Variants in ZNF207 observed in about 807,000 individuals in gnomAD.
ZNF207 encodes the protein BUB3-interacting and GLEBS motif-containing protein ZNF207.
In ZNF207, 24 loss-of-function variants were observed where a neutral mutation model predicts 60.2. That is an observed-to-expected ratio of 0.40 (90% confidence interval 0.29 to 0.56). ZNF207 has a LOEUF of 0.56. ZNF207 is among the 20% of genes least tolerant of loss of function. The pLI is 0.49. For missense variants in ZNF207, 452 were observed against 636.6 expected (o/e 0.71, Z 3.12); for synonymous variants, 236 against 194.7 (o/e 1.21, Z -1.77).
chr17:32,361,587 G>A (rs1379291719), intron 6 of ZNF207, 72 bp downstream of exon 6: 1 of 1,441,126 alleles, frequency 6.9e-7, no homozygotes, highest in African/African-American at 1.4e-5. Flanking sequence ...TGTGTTTAAT[G>A]GTATCTATTC....
At chr17:32,355,513 T>C (rs763462908) in intron 2 of ZNF207, among the ~76,000 whole-genome samples, 2 of 152,194 alleles carry the variant, frequency 1.3e-5, no homozygotes, top group East Asian at 1.9e-4. Flanking sequence ...CTATTAAATA[T>C]CCAGATGAAA....
intron 3 of ZNF207, among the ~76,000 whole-genome samples, chr17:32,360,183 C>CT (rs1293817139): frequency 2.7e-5 from 3 of 112,496 alleles, no homozygotes; most frequent in Non-Finnish European, 5.9e-5. Flanking sequence ...TTTACCCCCC[C>CT]CCCAAAAAAA....
chr17:32,351,591 G>T, intron 1 of ZNF207, 195 bp from the exon 2 acceptor site: 1 of 1,535,064 alleles, frequency 6.5e-7, no homozygotes, highest in South Asian at 1.2e-5. Context: ...AAGAGAGCTG[G>T]CCTTCTAGGA....
In ZNF207 at chr17:32,378,906, T is replaced by C. The variant is rs555094890; in HGVS notation, c.*9147T>C. On this transcript the variant is annotated 3_prime_UTR_variant, in exon 12 of 12. Transcript: ENST00000394670. ...GTATGGCTTCTTCCTTTTCACCTTG[T>C]GTGATGTTTAATTTGAGACGATCTA... 3 of 152,234 alleles carry C rather than the reference T, an allele frequency of 2.0e-5. No homozygotes were observed. In the East Asian group the frequency reaches 5.8e-4, roughly 29 times the overall value. 9.4% of individuals were successfully genotyped at this position (152,234 alleles called of 1,614,324 possible).
chr17:32,364,951 A>G (rs1231081438), intron 7 of ZNF207, among the ~76,000 whole-genome samples: 2 of 152,228 alleles, frequency 1.3e-5, no homozygotes, highest in Non-Finnish European at 2.9e-5. Context: ...ATTGTTCATG[A>G]TATTTGATTC....
Position 32,373,096 on chromosome 17 carries a change from T to C in ZNF207, c.*3337T>C, listed in dbSNP as rs1255562538. ...TACTTGATTTGAATACTTAGTATTT[T>C]AGTAGTGTCTCACACATTTGCCATT... On this transcript the variant is annotated 3_prime_UTR_variant, in exon 12 of 12. Coordinates refer to ENST00000394670, the MANE Select transcript of ZNF207 (RefSeq NM_001098507.2). The C allele has an allele frequency of 8.1e-6, 2 of 248,102 alleles. No homozygotes were observed. The highest frequency in any genetic ancestry group is 1.1e-4 in the Admixed American group (2 of 18,822). The allele number at this position is 248,102 out of a possible 1,614,324, so 15.4% of individuals were successfully genotyped here.
At chr17:32,356,447 A>G (rs1334300354) in intron 2 of ZNF207, among the ~76,000 whole-genome samples, 2 of 152,262 alleles carry the variant, frequency 1.3e-5, no homozygotes, top group Non-Finnish European at 2.9e-5. Context: ...TAATTGCAAT[A>G]TAAGGAATAG....
chr17:32,369,743 A>C lies in ZNF207; in HGVS notation c.1469A>C (p.Gln490Pro), dbSNP rs751795116. 1 of 1,546,220 alleles carries C rather than the reference A, an allele frequency of 6.5e-7. No individual in the cohort carries two copies. The highest frequency in any genetic ancestry group is 1.3e-5 in the South Asian group (1 of 79,184). Residue 490 changes from glutamine to proline, a missense_variant, in exon 12 of 12, where the codon CAA becomes CCA. Gln to Pro is a moderately conservative substitution (Grantham distance 76, BLOSUM62 -1). This residue lies in a region of ZNF207 where 390 missense variants were observed against 461.4 expected (regional missense o/e 0.85). Transcript: ENST00000394670. ...PMGMRPPVMS[Q>P]GGRY Reference sequence around the variant, plus strand: ...GGAATGAGACCTCCTGTAATGTCGCAAGGTGGCCGTTACTGATCTTACTTC... The same window carrying C: ...GGAATGAGACCTCCTGTAATGTCGCCAGGTGGCCGTTACTGATCTTACTTC...
intron 2 of ZNF207, among the ~76,000 whole-genome samples, chr17:32,352,290 C>T (rs948604537): frequency 6.6e-6 from 1 of 151,988 alleles, no homozygotes; most frequent in Non-Finnish European, 1.5e-5. Context: ...TCATTTATTT[C>T]TCTGACAACT....
At chr17:32,365,627 T>TGGC (rs1905125816) in intron 8 of ZNF207, 140 bp downstream of exon 8, 1 of 755,076 alleles carries the variant, frequency 1.3e-6, no homozygotes, top group Non-Finnish European at 1.8e-6. Flanking sequence ...TACTAAAAGG[T>TGGC]GGCTTATCCA....
At chr17:32,361,024 A>G (rs1904851944) in intron 5 of ZNF207, 57 bp downstream of exon 5, 8 of 1,555,036 alleles carry the variant, frequency 5.1e-6, no homozygotes, top group African/African-American at 4.1e-5. Context: ...ATCTTTTTCA[A>G]TTTGGATGTT....
intron 8 of ZNF207, among the ~76,000 whole-genome samples, chr17:32,366,442 T>C (rs949563571): frequency 2.6e-5 from 4 of 152,226 alleles, no homozygotes; most frequent in Admixed American, 6.5e-5. Context: ...GAAAAGAAAC[T>C]AGTTAACTAG....
chr17:32,350,272 G>T lies in ZNF207; in HGVS notation c.-14G>T, dbSNP rs749415532. ...CTTTTCTCCTCCCTTTTACTTTGCC[G>T]GTAGAACACAGTTATGGGTCGCAAG... On this transcript the variant is annotated 5_prime_UTR_variant, in exon 1 of 12. Coordinates refer to ENST00000394670, the MANE Select transcript of ZNF207 (RefSeq NM_001098507.2). 1.4e-5 allele frequency: 22 copies of T among 1,614,048 alleles called. No individual in the cohort carries two copies. The highest frequency in any genetic ancestry group is 1.9e-5 in the Non-Finnish European group (22 of 1,179,958).
At chr17:32,365,699 A>G in intron 8 of ZNF207, 2 of 241,034 alleles carry the variant, frequency 8.3e-6, no homozygotes, top group Non-Finnish European at 1.5e-5. Context: ...CAAAGTTAGT[A>G]TGTTACTTTT....
chr17:32,364,257 T>G (rs1489512121), intron 7 of ZNF207, among the ~76,000 whole-genome samples: 1 of 152,056 alleles, frequency 6.6e-6, no homozygotes, highest in African/African-American at 2.4e-5. Context: ...CCTGGGAAAT[T>G]AAGTATATAG....
chr17:32,360,118 CTT>C (rs1904769316), intron 3 of ZNF207, among the ~76,000 whole-genome samples: 2 of 142,492 alleles, frequency 1.4e-5, no homozygotes, highest in African/African-American at 5.3e-5. Context: ...AATTTCAGTG[CTT>C]TAGGTAGCTG....
chr17:32,351,236 T>G, intron 1 of ZNF207: 1 of 175,474 alleles, frequency 5.7e-6, no homozygotes, highest in Non-Finnish European at 1.2e-5. Flanking sequence ...TTTATTGATC[T>G]GTGAATTTAA....
chr17:32,369,687 T>G lies in ZNF207; in HGVS notation c.1413T>G (p.Pro471=). 2 of 1,598,248 alleles carry G rather than the reference T, an allele frequency of 1.3e-6. No individual in the cohort carries two copies. The highest frequency in any genetic ancestry group is 1.7e-6 in the Non-Finnish European group (2 of 1,173,140). ...PYGQGPPMVP[P]YQGGPPRPPM... ...GGCAGGGACCGCCAATGGTGCCCCC[T>G]TACCAGGGTGGGCCTCCTCGACCTC... Residue 471 remains proline, a synonymous_variant, in exon 12 of 12, where the codon CCT becomes CCG. Transcript: ENST00000394670.
Position 32,372,189 on chromosome 17 carries a change from A to G in ZNF207, c.*2430A>G, listed in dbSNP as rs1905498068. ...GTTGCGGATGCCTGTAGTCCCAACT[A>G]CTCTGGAGACCGAGGCAGGAGAATG... is the stretch of plus-strand genomic sequence containing the variant. On this transcript the variant is annotated 3_prime_UTR_variant, in exon 12 of 12. Coordinates refer to ENST00000394670, the MANE Select transcript of ZNF207 (RefSeq NM_001098507.2). 1 of 152,188 alleles carries G rather than the reference A, an allele frequency of 6.6e-6. No individual in the cohort carries two copies. The highest frequency in any genetic ancestry group is 2.4e-5 in the African/African-American group (1 of 41,390). The allele number at this position is 152,188 out of a possible 1,614,324, so 9.4% of individuals were successfully genotyped here.
Sources: gnomAD v4.1 joint callset for allele counts (sites outside exome capture counted in the v4.1 genomes callset) on GRCh38, gnomAD v4.1.1 for gene constraint, gnomAD v4.1.1 regional missense constraint, MANE v1.5 for transcripts, NCBI Gene and HGNC (gene_info 2026-07-23, HGNC 2026-07-21) for gene names.